Variants in DLGAP2 observed in about 807,000 individuals in gnomAD.
DLGAP2 encodes the protein DLG associated protein 2.
In DLGAP2, 26 loss-of-function variants were observed where a neutral mutation model predicts 100.3. That is an observed-to-expected ratio of 0.26 (90% confidence interval 0.19 to 0.36). The LOEUF (loss-of-function observed/expected upper bound fraction) is 0.36. DLGAP2 is among the 10% of genes least tolerant of loss of function. The probability of loss-of-function intolerance (pLI) is 1.00; values close to 1 mark genes in which losing one functional copy is unlikely to be tolerated. For synonymous variants in DLGAP2, 886 were observed against 630.1 expected, an observed-to-expected ratio of 1.41 and a Z score of -6.08; for missense variants, 1,858 against 1,453.2, an observed-to-expected ratio of 1.28 and a Z score of -4.53.
At chr8:1,329,564 C>T (rs895531033) in intron 3 of DLGAP2, among the ~76,000 whole-genome samples, 1 of 152,144 alleles carries the variant, frequency 6.6e-6, no homozygotes, top group African/African-American at 2.4e-5. Flanking sequence ...TGGGGAAGTT[C>T]AATTCGGTAG....
chr8:1,286,426 A>T (rs1799922411), intron 3 of DLGAP2, among the ~76,000 whole-genome samples: 2 of 152,234 alleles, frequency 1.3e-5, no homozygotes, highest in African/African-American at 2.4e-5. Flanking sequence ...ATGAAGGAAG[A>T]AGGTGGGTTC....
rs539002760 is a variant in DLGAP2 at position 1,407,732 on chromosome 8, C to T, written c.107-93634C>T. ...AGTCGTGTATTGAGTGCTTACTGAGCGCCAGCTCGTCATCCTCCAGAGTCG... is the reference window on the plus strand; with the variant it reads ...AGTCGTGTATTGAGTGCTTACTGAGTGCCAGCTCGTCATCCTCCAGAGTCG... On this transcript the variant is annotated intron_variant, in intron 3 of 14. Transcript: ENST00000637795. Among the ~76,000 whole-genome samples the T allele has an allele frequency of 9.9e-5, 13 of 130,988 alleles. 3 individuals are homozygous for T. Among genetic ancestry groups the T allele is most frequent in the Admixed American group, 4.5e-4 (6 of 13,384 alleles). 85.9% of individuals were successfully genotyped at this position (130,988 alleles called of 152,430 possible).
intron 2 of DLGAP2, among the ~76,000 whole-genome samples, chr8:1,172,326 T>C (rs1797146508): frequency 1.3e-5 from 2 of 152,248 alleles, no homozygotes; most frequent in South Asian, 2.1e-4. Context: ...ATTTTTTCCT[T>C]CATTTCCACT....
intron 6 of DLGAP2, among the ~76,000 whole-genome samples, chr8:1,604,955 G>C (rs930601156): frequency 1.3e-5 from 2 of 152,206 alleles, no homozygotes; most frequent in South Asian, 4.1e-4. Flanking sequence ...CTGATGTCTT[G>C]TGTCGTGTGT....
chr8:1,616,976 C>T (rs142563217), intron 6 of DLGAP2, among the ~76,000 whole-genome samples: 1 of 152,184 alleles, frequency 6.6e-6, no homozygotes, highest in African/African-American at 2.4e-5. Context: ...TAAGGGAGAA[C>T]ATGCAGTATT....
At chr8:802,302 C>G (rs1331372609) in intron 1 of DLGAP2, among the ~76,000 whole-genome samples, 1 of 152,232 alleles carries the variant, frequency 6.6e-6, no homozygotes, top group African/African-American at 2.4e-5. Context: ...CTCCTGGGTC[C>G]TCTGTCATCA....
At chr8:888,750 G>A (rs557603092) in intron 1 of DLGAP2, among the ~76,000 whole-genome samples, 2 of 152,084 alleles carry the variant, frequency 1.3e-5, no homozygotes, top group Non-Finnish European at 2.9e-5. Context: ...ATGGGTGCCT[G>A]TTCCTTCTTC....
chr8:1,597,939 C>G (rs953299391), intron 6 of DLGAP2, among the ~76,000 whole-genome samples: 1 of 152,192 alleles, frequency 6.6e-6, no homozygotes, highest in Non-Finnish European at 1.5e-5. Context: ...GCATCCCTGT[C>G]TTGTGCCAGT....
intron 2 of DLGAP2, among the ~76,000 whole-genome samples, chr8:977,055 G>A (rs1251342466): frequency 6.6e-6 from 1 of 152,200 alleles, no homozygotes; most frequent in Non-Finnish European, 1.5e-5. Flanking sequence ...TACATGGATT[G>A]GTAGCCAGGA....
chr8:1,052,770 G>T (rs995334255), intron 2 of DLGAP2, among the ~76,000 whole-genome samples: 1 of 152,126 alleles, frequency 6.6e-6, no homozygotes, highest in Non-Finnish European at 1.5e-5. Context: ...CACTGGACTT[G>T]TTTTTAACAT....
chr8:1,044,897 C>T (rs540281995), intron 2 of DLGAP2, among the ~76,000 whole-genome samples: 1 of 152,224 alleles, frequency 6.6e-6, no homozygotes, highest in Non-Finnish European at 1.5e-5. Context: ...AATATTCAAA[C>T]CTTCCCTGTT....
chr8:1,455,134 C>A (rs991092258), intron 3 of DLGAP2, among the ~76,000 whole-genome samples: 2 of 152,226 alleles, frequency 1.3e-5, no homozygotes, highest in African/African-American at 4.8e-5. Flanking sequence ...TCATGGCAAC[C>A]CTGTGAGCGG....
intron 2 of DLGAP2, among the ~76,000 whole-genome samples, chr8:953,518 T>C (rs1799530185): frequency 6.6e-6 from 1 of 152,238 alleles, no homozygotes; most frequent in Non-Finnish European, 1.5e-5. Flanking sequence ...TAATTTTTGC[T>C]TGGAAGCTTA....
intron 2 of DLGAP2, among the ~76,000 whole-genome samples, chr8:1,006,247 A>C (rs1801105637): frequency 1.3e-5 from 2 of 152,282 alleles, no homozygotes; most frequent in South Asian, 2.1e-4. Context: ...AAAGATGGAC[A>C]ACTGTGCTAT....
At chr8:1,124,941 C>T (rs1425375199) in intron 2 of DLGAP2, among the ~76,000 whole-genome samples, 1 of 152,214 alleles carries the variant, frequency 6.6e-6, no homozygotes, top group Non-Finnish European at 1.5e-5. Context: ...GAGGAGGCAT[C>T]GTCCCCCTCA....
At chr8:1,505,009 G>A (rs1489566052) in intron 4 of DLGAP2, among the ~76,000 whole-genome samples, 1 of 152,250 alleles carries the variant, frequency 6.6e-6, no homozygotes, top group African/African-American at 2.4e-5. Flanking sequence ...CAAAAAGAAA[G>A]GAAGGAAGAA....
intron 2 of DLGAP2, among the ~76,000 whole-genome samples, chr8:1,126,637 A>T (rs1796172022): frequency 6.6e-6 from 1 of 152,060 alleles, no homozygotes; most frequent in Non-Finnish European, 1.5e-5. Flanking sequence ...GGGTGATCAG[A>T]GGCTTAGACT....
intron 1 of DLGAP2, among the ~76,000 whole-genome samples, chr8:765,101 G>A (rs1331387792): frequency 3.3e-5 from 5 of 152,152 alleles, no homozygotes; most frequent in African/African-American, 1.2e-4. Context: ...TGAGGAAATG[G>A]GGCAGCTACA....
At chr8:1,183,611 T>G (rs1797437666) in intron 2 of DLGAP2, among the ~76,000 whole-genome samples, 1 of 152,192 alleles carries the variant, frequency 6.6e-6, no homozygotes, top group African/African-American at 2.4e-5. Context: ...GGCGGAGGTT[T>G]GCGAGGGAGG....
Sources: gnomAD v4.1 joint callset for allele counts (sites outside exome capture counted in the v4.1 genomes callset) on GRCh38, gnomAD v4.1.1 for gene constraint, MANE v1.5 for transcripts, NCBI Gene and HGNC (gene_info 2026-07-23, HGNC 2026-07-21) for gene names.